DGKB: variants seen among roughly 807,000 people sequenced by gnomAD.
DGKB encodes the protein diacylglycerol kinase beta.
Under a neutral mutation model 114.3 loss-of-function variants are expected in DGKB, and 67 were observed. That is an observed-to-expected ratio of 0.59 (90% CI 0.48 to 0.72). The LOEUF (loss-of-function observed/expected upper bound fraction) is 0.72, where lower values mean the gene tolerates loss of function less well. Among genes scored for constraint, DGKB ranks in the 30% least tolerant of loss-of-function variants. The probability of loss-of-function intolerance (pLI) is 0.00; values close to 1 mark genes in which losing one functional copy is unlikely to be tolerated. For synonymous variants in DGKB, 398 were observed against 323.1 expected (o/e 1.23, Z -2.49); for missense variants, 907 against 975.2 (o/e 0.93, Z 0.93).
chr7:14,548,356 T>C lies in DGKB; in HGVS notation c.1770+25856A>G, dbSNP rs561158578. 3.9e-5 allele frequency among the ~76,000 whole-genome samples: 6 copies of C among 152,298 alleles called. No homozygotes were observed. In the East Asian group the frequency reaches 7.7e-4, roughly 20 times the overall value. On this transcript the variant is annotated intron_variant, in intron 20 of 25. Coordinates refer to ENST00000402815, the MANE Select transcript of DGKB (RefSeq NM_001350709.2). ...ATGTGATTAAGATTACATAAAGATA[T>C]GCAACAGTTAATACGGAGTGCCCCA...
chr7:14,805,043 T>C (rs1180185321), intron 2 of DGKB, among the ~76,000 whole-genome samples: 1 of 152,138 alleles, frequency 6.6e-6, no homozygotes, highest in Non-Finnish European at 1.5e-5. Context: ...TTTGATGTTT[T>C]AGGCACATTT....
chr7:14,416,064 GTCT>G (rs1184648339), intron 21 of DGKB, among the ~76,000 whole-genome samples: 3 of 152,062 alleles, frequency 2.0e-5, no homozygotes, highest in African/African-American at 4.8e-5. Flanking sequence ...CTGCATAAAT[GTCT>G]TCTTTTGAGA....
chr7:14,867,919 C>T (rs1851911661), intron 1 of DGKB, among the ~76,000 whole-genome samples: 1 of 152,140 alleles, frequency 6.6e-6, no homozygotes, highest in Non-Finnish European at 1.5e-5. Context: ...AAGGTAGCTT[C>T]AGCGAAGAAT....
intron 2 of DGKB, among the ~76,000 whole-genome samples, chr7:14,839,206 A>C (rs548856542): frequency 6.6e-6 from 1 of 152,228 alleles, no homozygotes; most frequent in African/African-American, 2.4e-5. Context: ...AGCACCAAGC[A>C]GAAAACTCAC....
chr7:14,380,332 G>A (rs1413330367), intron 21 of DGKB, among the ~76,000 whole-genome samples: 1 of 152,006 alleles, frequency 6.6e-6, no homozygotes, highest in African/African-American at 2.4e-5. Context: ...TGGAAGTTAG[G>A]TGAAGAAAAG....
At chr7:14,730,813 T>C (rs573211905) in intron 5 of DGKB, among the ~76,000 whole-genome samples, 15 of 152,212 alleles carry the variant, frequency 9.9e-5, no homozygotes, top group Non-Finnish European at 2.2e-4. Context: ...AAAGCAACTC[T>C]GCTTTAGCTA....
rs1220770912 is a variant in DGKB, at chr7:14,212,343, TA to T, written c.2123-34193del. 2.4e-4 allele frequency among the ~76,000 whole-genome samples: 7 copies of T among 28,594 alleles called. 1 individual carries two copies. Among genetic ancestry groups the T allele is most frequent in the Non-Finnish European group, 3.3e-4 (6 of 18,214 alleles). The allele number at this position is 28,594 out of a possible 152,430, so 18.8% of individuals were successfully genotyped here. A position where few individuals can be genotyped will look rare whatever the true frequency, so the allele number is the denominator to read the frequency against. On this transcript the variant is annotated intron_variant, in intron 23 of 25. Coordinates refer to ENST00000402815, the MANE Select transcript of DGKB (RefSeq NM_001350709.2). ...GTGATTTTACTCTCATGTTTTGTGA[TA>T]TTTACTCTCATGTTTTGTGATTTTA...
intron 1 of DGKB, among the ~76,000 whole-genome samples, chr7:14,931,581 C>T (rs1378776125): frequency 6.6e-6 from 1 of 152,118 alleles, no homozygotes; most frequent in Non-Finnish European, 1.5e-5. Context: ...CATTGCTGTG[C>T]TGAGATCTTG....
At chr7:14,459,293 T>G (rs1308471255) in intron 21 of DGKB, among the ~76,000 whole-genome samples, 2 of 152,062 alleles carry the variant, frequency 1.3e-5, no homozygotes, top group Non-Finnish European at 2.9e-5. Context: ...AACTTAAACC[T>G]TCCTGCTTGC....
Position 14,698,152 on chromosome 7 carries a change from G to C in DGKB, c.534C>G (p.Ile178Met), listed in dbSNP as rs1824414456. 2 of 1,529,452 alleles carry C rather than the reference G, an allele frequency of 1.3e-6. No homozygotes were observed. Among genetic ancestry groups the C allele is most frequent in the Non-Finnish European group, 1.8e-6 (2 of 1,141,668 alleles). 94.7% of individuals were successfully genotyped at this position (1,529,452 alleles called of 1,614,324 possible). A position where few individuals can be genotyped will look rare whatever the true frequency, so the allele number is the denominator to read the frequency against. ...ATTCTGCAACATGCATCATCTGACTGATGATATTTTCTAGCTCCTGGAAGA... is the reference window on the plus strand; with the variant it reads ...ATTCTGCAACATGCATCATCTGACTCATGATATTTTCTAGCTCCTGGAAGA... ...FLDSSELENI[I>M]SQMMHVAEYL... Residue 178 changes from isoleucine (I) to methionine (M), a missense_variant, in exon 8 of 26, where the codon ATC becomes ATG. Around this residue, in one of 3 missense-constraint regions of DGKB, gnomAD observed 814 missense variants for 856.6 expected, o/e 0.95. Transcript: ENST00000402815.
chr7:14,765,045 A>C (rs561812409), intron 2 of DGKB, among the ~76,000 whole-genome samples: 1 of 152,162 alleles, frequency 6.6e-6, no homozygotes, highest in South Asian at 2.1e-4. Flanking sequence ...AAAGAGATTG[A>C]AAAAGAAATA....
intron 1 of DGKB, among the ~76,000 whole-genome samples, chr7:14,895,093 A>G (rs1430846354): frequency 6.6e-6 from 1 of 151,618 alleles, no homozygotes; most frequent in Non-Finnish European, 1.5e-5. Flanking sequence ...GTGCAGCCCA[A>G]AATGACAGGC....
chr7:14,875,132 AAATAAT>A (rs967124374), intron 1 of DGKB, among the ~76,000 whole-genome samples: 11 of 152,012 alleles, frequency 7.2e-5, no homozygotes, highest in Non-Finnish European at 1.5e-4. Context: ...GAGAATACCA[AAATAAT>A]AATAATAATA....
chr7:14,793,002 A>G (rs1840896348), intron 2 of DGKB, among the ~76,000 whole-genome samples: 1 of 152,178 alleles, frequency 6.6e-6, no homozygotes, highest in African/African-American at 2.4e-5. Context: ...GTATGTGAAG[A>G]TATACACAGA....
In DGKB at chr7:14,820,051, G is replaced by A. The variant is rs576859207; in HGVS notation, c.70+21143C>T. Among the ~76,000 whole-genome samples the A allele has an allele frequency of 2.6e-5, 4 of 152,128 alleles. No individual in the cohort carries two copies. In the South Asian group the frequency reaches 6.2e-4, roughly 24 times the overall value. ...TAAAAGAGAAGGTAAAGAAAAGAGA[G>A]GTAGAAATTACAATTTTTTTATCTC... is the stretch of plus-strand genomic sequence containing the variant. On this transcript the variant is annotated intron_variant, in intron 2 of 25. Transcript: ENST00000402815.
intron 1 of DGKB, among the ~76,000 whole-genome samples, chr7:14,946,804 A>G (rs1282561182): frequency 1.3e-5 from 2 of 151,778 alleles, no homozygotes; most frequent in Non-Finnish European, 2.9e-5. Context: ...TATCTGTACT[A>G]CTTAGTAAGA....
intron 19 of DGKB, among the ~76,000 whole-genome samples, chr7:14,578,970 C>T (rs574150736): frequency 5.9e-5 from 9 of 152,272 alleles, no homozygotes; most frequent in African/African-American, 1.9e-4. Context: ...CTTCAGCAAC[C>T]CCACCTGCAT....
intron 23 of DGKB, among the ~76,000 whole-genome samples, chr7:14,188,617 G>A (rs1456924741): frequency 2.0e-5 from 2 of 99,330 alleles, no homozygotes; most frequent in African/African-American, 3.9e-5. Context: ...CCTAGATCCC[G>A]CCACTGCACT....
At chr7:14,739,639 A>C (rs1056592259) in intron 4 of DGKB, among the ~76,000 whole-genome samples, 1 of 152,088 alleles carries the variant, frequency 6.6e-6, no homozygotes, top group African/African-American at 2.4e-5. Context: ...CTATATGGGG[A>C]TATGAGGAAG....
Sources: allele counts gnomAD v4.1 joint callset (sites outside exome capture counted in the v4.1 genomes callset), GRCh38; gene constraint gnomAD v4.1.1; regional missense constraint gnomAD v4.1.1; transcripts MANE v1.5; gene names NCBI Gene and HGNC (gene_info 2026-07-23, HGNC 2026-07-21).